LYZL2: variants seen among roughly 807,000 people sequenced by gnomAD.
The protein encoded by LYZL2 is lysozyme-like protein 2.
A neutral mutation model predicts 17.1 loss-of-function variants in LYZL2; 13 were observed. The ratio of observed to expected loss-of-function variants is 0.76; its 90% CI spans 0.49 to 1.21. LYZL2 has a LOEUF of 1.21. LYZL2 is among the 50% of genes most tolerant of loss of function. LYZL2 has a pLI of 0.00. For missense variants in LYZL2, 166 were observed against 189.2 expected, an observed-to-expected ratio of 0.88 and a Z score of 0.72; for synonymous variants, 63 against 74.4, an observed-to-expected ratio of 0.85 and a Z score of 0.79.
At chr10:30,617,547 C>T (rs143787049) in intron 3 of LYZL2, among the ~76,000 whole-genome samples, 1,925 of 151,700 alleles carry the variant, frequency 0.013, 47 homozygotes, top group African/African-American at 0.043. Flanking sequence ...TGGTGGCACA[C>T]GCCTGTAATC....
At chr10:30,626,703 A>G (rs4366396) in intron 2 of LYZL2, 74 bp downstream of exon 2, 31 of 1,589,914 alleles carry the variant, frequency 1.9e-5, no homozygotes, top group Non-Finnish European at 2.6e-5. Flanking sequence ...CACAGCAGGG[A>G]GTGTAGCCAG....
intron 1 of LYZL2, among the ~76,000 whole-genome samples, chr10:30,628,334 C>T (rs1175822645): frequency 2.0e-5 from 3 of 152,136 alleles, no homozygotes; most frequent in African/African-American, 7.2e-5. Flanking sequence ...ACCAGTGCTC[C>T]GGGCGGCCTC....
At chr10:30,612,931 G>A (rs1188477259) in intron 3 of LYZL2, 31 bp from the exon 4 acceptor site, 15 of 1,580,746 alleles carry the variant, frequency 9.5e-6, no homozygotes, top group South Asian at 4.5e-5. Context: ...AGGGTTAGGC[G>A]AGACTTTGTT....
intron 3 of LYZL2, among the ~76,000 whole-genome samples, chr10:30,615,804 T>C (rs1838518873): frequency 6.6e-6 from 1 of 152,204 alleles, no homozygotes; most frequent in Non-Finnish European, 1.5e-5. Flanking sequence ...TTATAGCCAC[T>C]CATGGCTAGT....
chr10:30,628,153 C>T (rs1314733931), intron 1 of LYZL2, among the ~76,000 whole-genome samples: 2 of 151,138 alleles, frequency 1.3e-5, no homozygotes, highest in Non-Finnish European at 1.5e-5. Flanking sequence ...GAGCGAGACT[C>T]CGCCTCAAAA....
At chr10:30,620,384 T>C (rs1458285779) in intron 3 of LYZL2, among the ~76,000 whole-genome samples, 1 of 152,228 alleles carries the variant, frequency 6.6e-6, no homozygotes, top group East Asian at 1.9e-4. Flanking sequence ...GTCTTTGTTG[T>C]CCAATCTTCA....
At chr10:30,629,393 CAAA>C (rs201593551) in intron 1 of LYZL2, among the ~76,000 whole-genome samples, 197 bp downstream of exon 1, 4 of 119,586 alleles carry the variant, frequency 3.3e-5, no homozygotes, top group South Asian at 2.8e-4. Context: ...CATCCTGTTT[CAAA>C]AAAAAAAAAA....
At chr10:30,620,052 T>G (rs1265809972) in intron 3 of LYZL2, among the ~76,000 whole-genome samples, 1 of 152,210 alleles carries the variant, frequency 6.6e-6, no homozygotes, top group African/African-American at 2.4e-5. Flanking sequence ...CCAAAAATTG[T>G]GTAATATCAT....
At chr10:30,607,819 T>C (rs1838393477), downstream of LYZL2, among the ~76,000 whole-genome samples, 1 of 152,130 alleles carries the variant, frequency 6.6e-6, no homozygotes, top group Non-Finnish European at 1.5e-5. Context: ...AAAGAACTGC[T>C]CTCAGCCTGA....
intron 3 of LYZL2, among the ~76,000 whole-genome samples, chr10:30,624,295 G>C (rs1022296190): frequency 6.6e-6 from 1 of 152,202 alleles, no homozygotes; most frequent in African/African-American, 2.4e-5. Context: ...GACAGAAGAA[G>C]GACACTGAGG....
intron 3 of LYZL2, among the ~76,000 whole-genome samples, chr10:30,623,611 G>A (rs1315656505): frequency 6.6e-6 from 1 of 152,116 alleles, no homozygotes; most frequent in Non-Finnish European, 1.5e-5. Context: ...AAGGGATTTA[G>A]GTTACATTCT....
At chr10:30,606,376 T>C in the LYZL2 span, among the ~76,000 whole-genome samples, 9 of 135,558 alleles carry the variant, frequency 6.6e-5, no homozygotes, top group Non-Finnish European at 9.3e-5. Context: ...TTTTTAGAGA[T>C]AGGGTCTTTC....
chr10:30,617,329 T>A (rs1162145613), intron 3 of LYZL2, among the ~76,000 whole-genome samples: 3 of 152,142 alleles, frequency 2.0e-5, no homozygotes, highest in Non-Finnish European at 4.4e-5. Context: ...AGCATTTTGT[T>A]GCACAATTGG....
chr10:30,612,115 G>T, intron 4 of LYZL2, 91 bp from the exon 5 acceptor site: 4 of 1,476,196 alleles, frequency 2.7e-6, no homozygotes, highest in Non-Finnish European at 3.7e-6. Flanking sequence ...AACCAAAATC[G>T]CCAGCGGAAC....
intron 3 of LYZL2, among the ~76,000 whole-genome samples, chr10:30,622,094 G>A (rs1352147172): frequency 6.6e-6 from 1 of 151,910 alleles, no homozygotes; most frequent in Admixed American, 6.6e-5. Flanking sequence ...AAACCCTACA[G>A]TAACAACTAA....
intron 3 of LYZL2, among the ~76,000 whole-genome samples, chr10:30,617,798 C>T (rs1051834717): frequency 2.6e-5 from 4 of 151,862 alleles, no homozygotes; most frequent in African/African-American, 9.7e-5. Context: ...CACTCCTATT[C>T]AACATAGTGT....
chr10:30,626,799 G>C lies in LYZL2; in HGVS notation c.117C>G (p.Tyr39Ter), dbSNP rs768160137. ...CACAGTTTCCAAGGCTGAAGCCCCA[G>C]TAATTGTCCAGGCCAGCCCTCGAGA... ...KIFSRAGLDN[Y>*]WGFSLGNWIC... is the part of the protein sequence containing the mutation. Residue 39 changes from tyrosine (Y) to a stop codon, truncating the protein, a stop_gained, in exon 2 of 5, where the codon TAC (tyrosine) becomes TAG (stop). Coordinates refer to ENST00000647634, the MANE Select transcript of LYZL2 (RefSeq NM_183058.3). LOFTEE classifies it high-confidence loss of function. 25 of 1,614,148 alleles carry C rather than the reference G, an allele frequency of 1.5e-5. No homozygotes were observed. The highest frequency in any genetic ancestry group is 1.9e-5 in the Non-Finnish European group (22 of 1,180,046).
intron 3 of LYZL2, among the ~76,000 whole-genome samples, chr10:30,622,504 G>T (rs141480639): frequency 0.097 from 14,699 of 151,902 alleles, 913 homozygotes; most frequent in African/African-American, 0.17. Flanking sequence ...AGCCAAGATC[G>T]CGCCACTGTA....
At chr10:30,612,774 C>G (rs372017983) in intron 4 of LYZL2, 48 bp downstream of exon 4, 6 of 1,391,434 alleles carry the variant, frequency 4.3e-6, no homozygotes, top group Non-Finnish European at 6.1e-6. Context: ...AATACACACA[C>G]TAGGTTTTGC....
Sources: gnomAD v4.1 joint callset for allele counts (sites outside exome capture counted in the v4.1 genomes callset) on GRCh38, gnomAD v4.1.1 for gene constraint, MANE v1.5 for transcripts, NCBI Gene and HGNC (gene_info 2026-07-23, HGNC 2026-07-21) for gene names.